KHDRBS2: variants seen among roughly 807,000 people sequenced by gnomAD.
The protein encoded by KHDRBS2 is KH RNA binding domain containing, signal transduction associated 2, also known as KH domain-containing, RNA-binding, signal transduction-associated protein 2.
Under a neutral mutation model 44.3 loss-of-function variants are expected in KHDRBS2, and 26 were observed. The observed-to-expected ratio is 0.59, with a 90% CI of 0.43 to 0.81. The LOEUF (loss-of-function observed/expected upper bound fraction) is 0.81. KHDRBS2 is among the 40% of genes least tolerant of loss of function. The pLI, the probability that KHDRBS2 is intolerant of heterozygous loss-of-function variation, is 0.00. For missense variants in KHDRBS2, 476 were observed against 433.1 expected, an observed-to-expected ratio of 1.10 and a Z score of -0.88; for synonymous variants, 194 against 151.1, an observed-to-expected ratio of 1.28 and a Z score of -2.08.
At chr6:62,275,857 T>G (rs767741007) in intron 1 of KHDRBS2, among the ~76,000 whole-genome samples, 30 of 152,200 alleles carry the variant, frequency 2.0e-4, no homozygotes, top group South Asian at 8.3e-4. Context: ...TAATCTTCCT[T>G]TTTATCTTTT....
the KHDRBS2 span, among the ~76,000 whole-genome samples, chr6:61,643,641 C>A: frequency 0.024 from 3,722 of 152,088 alleles, 69 homozygotes; most frequent in Middle Eastern, 0.088. Flanking sequence ...GTACAAAAAT[C>A]AATTCCTATA....
chr6:61,851,447 C>T (rs1487876302), intron 6 of KHDRBS2, among the ~76,000 whole-genome samples: 7 of 152,078 alleles, frequency 4.6e-5, no homozygotes, highest in African/African-American at 1.7e-4. Context: ...GTGACTGTAT[C>T]TGGAGACGCA....
At chr6:62,151,129 A>G (rs1584961696) in intron 2 of KHDRBS2, among the ~76,000 whole-genome samples, 1 of 152,210 alleles carries the variant, frequency 6.6e-6, no homozygotes, top group African/African-American at 2.4e-5. Flanking sequence ...TGGCTTAGCC[A>G]TGTACTATCG....
intron 2 of KHDRBS2, among the ~76,000 whole-genome samples, chr6:62,143,808 G>A (rs1813359900): frequency 6.6e-6 from 1 of 152,016 alleles, no homozygotes; most frequent in Admixed American, 6.6e-5. Flanking sequence ...TGCTGCTCTT[G>A]AAGTTGTCCT....
chr6:61,772,012 T>C (rs544059037), intron 6 of KHDRBS2, among the ~76,000 whole-genome samples: 31 of 151,504 alleles, frequency 2.0e-4, no homozygotes, highest in Non-Finnish European at 3.7e-4. Context: ...GCAATCAAAC[T>C]AGAACTCACT....
intron 1 of KHDRBS2, among the ~76,000 whole-genome samples, chr6:62,191,860 C>T (rs1432571196): frequency 3.3e-5 from 5 of 151,890 alleles, no homozygotes; most frequent in Admixed American, 1.3e-4. Context: ...ATATCATGTA[C>T]GCATCTTGGA....
chr6:62,100,144 G>T (rs998763844), intron 2 of KHDRBS2, among the ~76,000 whole-genome samples: 3 of 152,148 alleles, frequency 2.0e-5, no homozygotes, highest in African/African-American at 7.2e-5. Context: ...TGGCCTTGAG[G>T]GTTTCATGAC....
At chr6:61,847,086 C>A (rs1794526755) in intron 6 of KHDRBS2, among the ~76,000 whole-genome samples, 1 of 151,798 alleles carries the variant, frequency 6.6e-6, no homozygotes. Flanking sequence ...TTTATACAAA[C>A]CTAGATGAAG....
chr6:61,757,712 C>G (rs1778700395), intron 6 of KHDRBS2, among the ~76,000 whole-genome samples: 1 of 151,928 alleles, frequency 6.6e-6, no homozygotes, highest in African/African-American at 2.4e-5. Flanking sequence ...TCAATTTTAT[C>G]TTCTTTATTG....
At chr6:62,158,012 A>C (rs1584992344) in intron 2 of KHDRBS2, among the ~76,000 whole-genome samples, 1 of 152,222 alleles carries the variant, frequency 6.6e-6, no homozygotes, top group East Asian at 1.9e-4. Context: ...AATAATATAA[A>C]TCTCAAAGAA....
At chr6:61,868,316 A>G (rs1243206783) in intron 6 of KHDRBS2, among the ~76,000 whole-genome samples, 1 of 152,134 alleles carries the variant, frequency 6.6e-6, no homozygotes, top group Non-Finnish European at 1.5e-5. Context: ...CCCAAACAGC[A>G]AAGGTGGCAG....
chr6:61,756,475 G>A (rs369751513), intron 6 of KHDRBS2, among the ~76,000 whole-genome samples: 166 of 152,196 alleles, frequency 1.1e-3, no homozygotes, highest in African/African-American at 3.9e-3. Context: ...GACCAGGCTG[G>A]TCTCGAACTC....
the KHDRBS2 span, among the ~76,000 whole-genome samples, chr6:61,576,802 G>T: frequency 2.6e-5 from 4 of 152,262 alleles, no homozygotes; most frequent in East Asian, 7.7e-4. Context: ...GTAATCCCAT[G>T]AAGTACTTAT....
intron 2 of KHDRBS2, among the ~76,000 whole-genome samples, chr6:62,168,273 T>C (rs1452512676): frequency 2.0e-5 from 3 of 152,088 alleles, no homozygotes; most frequent in Non-Finnish European, 4.4e-5. Flanking sequence ...TGGCAGTAAC[T>C]CAAGTCAAGA....
chr6:61,794,085 A>C (rs541216639), intron 6 of KHDRBS2, among the ~76,000 whole-genome samples: 42 of 152,336 alleles, frequency 2.8e-4, no homozygotes, highest in Non-Finnish European at 5.1e-4. Context: ...CAAGATTATA[A>C]AACAATAATA....
intron 4 of KHDRBS2, among the ~76,000 whole-genome samples, chr6:61,907,166 A>AT (rs1184961537): frequency 1.3e-5 from 2 of 152,012 alleles, no homozygotes; most frequent in African/African-American, 2.4e-5. Flanking sequence ...AATGTTGAGC[A>AT]TTTTTTTCAC....
At chr6:62,127,928 C>T (rs1194020743) in intron 2 of KHDRBS2, among the ~76,000 whole-genome samples, 1 of 152,076 alleles carries the variant, frequency 6.6e-6, no homozygotes, top group Non-Finnish European at 1.5e-5. Flanking sequence ...CTGCCAGGGA[C>T]CATGGCTTGT....
At chr6:61,850,634 A>G (rs1195037018) in intron 6 of KHDRBS2, among the ~76,000 whole-genome samples, 2 of 152,200 alleles carry the variant, frequency 1.3e-5, no homozygotes, top group East Asian at 1.9e-4. Context: ...ATTTATGTAA[A>G]ACACACAGAG....
intron 4 of KHDRBS2, among the ~76,000 whole-genome samples, chr6:61,919,115 CATTTAT>C (rs1294970909): frequency 2.0e-5 from 3 of 151,850 alleles, no homozygotes; most frequent in African/African-American, 7.3e-5. Flanking sequence ...TGTTCATTTA[CATTTAT>C]GTGTGTCTAT....
Sources: allele counts gnomAD v4.1 joint callset (sites outside exome capture counted in the v4.1 genomes callset), GRCh38; gene constraint gnomAD v4.1.1; transcripts MANE v1.5; gene names NCBI Gene and HGNC (gene_info 2026-07-23, HGNC 2026-07-21).